The following NWD1 variants were observed in gnomAD, a reference collection of about 807,000 sequenced individuals.
NWD1 encodes NACHT domain- and WD repeat-containing protein 1.
NWD1 carries 129 observed loss-of-function variants against 135.1 expected under a neutral mutation model. That is an observed-to-expected ratio of 0.96 (90% CI 0.83 to 1.11). The LOEUF is 1.11. Among genes scored for constraint, NWD1 ranks in the 50% least tolerant of loss-of-function variants. The pLI is 0.00. For synonymous variants in NWD1, 773 were observed against 786.0 expected (o/e 0.98, Z 0.28); for missense variants, 1,740 against 1,851.3 (o/e 0.94, Z 1.10).
chr19:16,759,141 T>C (rs1968910256), intron 6 of NWD1, 84 bp from the exon 7 acceptor site: 12 of 1,165,478 alleles, frequency 1.0e-5, no homozygotes, highest in Non-Finnish European at 1.5e-5. Flanking sequence ...CGGGTGGCTG[T>C]ATCCCTCCCT....
At chr19:16,770,386 C>T (rs1969373174) in intron 10 of NWD1, among the ~76,000 whole-genome samples, 1 of 152,170 alleles carries the variant, frequency 6.6e-6, no homozygotes, top group Non-Finnish European at 1.5e-5. Context: ...TTTGCTTCCC[C>T]TTCCACCGTG....
intron 12 of NWD1, among the ~76,000 whole-genome samples, chr19:16,783,181 G>A (rs1176989026): frequency 1.3e-5 from 2 of 151,800 alleles, no homozygotes; most frequent in African/African-American, 2.4e-5. Flanking sequence ...ACAGGTGCAT[G>A]CCACCATGCC....
intron 13 of NWD1, among the ~76,000 whole-genome samples, chr19:16,789,593 T>C (rs1412315349): frequency 6.6e-6 from 1 of 152,130 alleles, no homozygotes; most frequent in Non-Finnish European, 1.5e-5. Flanking sequence ...TTTCCAGATA[T>C]TTGAGGAATT....
In NWD1 at chr19:16,797,779, C is replaced by T. The variant is rs568405169; in HGVS notation, c.3352C>T (p.Arg1118Cys). Residue 1118 changes from arginine to cysteine, a missense_variant, in exon 16 of 19, where the codon CGC (arginine) becomes TGC (cysteine). Physicochemically the swap from Arg to Cys is radical, Grantham distance 180 (BLOSUM62 -3). Coordinates refer to ENST00000524140, the MANE Select transcript of NWD1 (RefSeq NM_001007525.5). ...ATTCTTGGCGGACTCGAGGGGCTTT[C>T]GCCGATTCATGGCCATGGATCTGGA... The part of the protein sequence containing the change: ...RIFLADSRGF[R>C]RFMAMDLEHE... 9.3e-6 allele frequency: 15 copies of T among 1,614,066 alleles called. No individual in the cohort carries two copies. The East Asian group carries it at 1.6e-4, about 17-fold the overall frequency.
chr19:16,804,907 C>CT (rs1233041086), intron 17 of NWD1, among the ~76,000 whole-genome samples: 1 of 151,948 alleles, frequency 6.6e-6, no homozygotes, highest in Non-Finnish European at 1.5e-5. Flanking sequence ...TCAGTGCAGC[C>CT]TCGAACTCCT....
intron 4 of NWD1, among the ~76,000 whole-genome samples, chr19:16,743,565 G>C (rs753545227): frequency 1.1e-4 from 16 of 151,856 alleles, no homozygotes; most frequent in Non-Finnish European, 2.2e-4. Context: ...CTATAAGGGC[G>C]GTCAACTTCA....
At chr19:16,746,329 C>T (rs1244644561) in intron 5 of NWD1, among the ~76,000 whole-genome samples, 1 of 151,600 alleles carries the variant, frequency 6.6e-6, no homozygotes, top group Admixed American at 6.6e-5. Flanking sequence ...CACTGTACTT[C>T]AGTCTGGGTG....
At chr19:16,771,358 G>C (rs574243005) in intron 10 of NWD1, among the ~76,000 whole-genome samples, 1 of 152,254 alleles carries the variant, frequency 6.6e-6, no homozygotes, top group African/African-American at 2.4e-5. Context: ...GCTGAGGCAC[G>C]AAAATTGCTT....
intron 15 of NWD1, among the ~76,000 whole-genome samples, chr19:16,796,464 G>C (rs538882587): frequency 2.0e-5 from 3 of 152,114 alleles, no homozygotes; most frequent in South Asian, 4.2e-4. Flanking sequence ...ATCAGGAAAG[G>C]GTGGGCAAAC....
chr19:16,797,932 A>G lies in NWD1; in HGVS notation c.3459+46A>G, dbSNP rs1291761728. On this transcript the variant is annotated intron_variant, in intron 16 of 18. Transcript: ENST00000524140. ...CTTCATCCTCACCTCCACCTCGGGA[A>G]CAGACACTGATTCTTTAGGGATTTT... 5 of 1,551,326 alleles carry G rather than the reference A, an allele frequency of 3.2e-6. No individual in the cohort carries two copies. In the African/African-American group the frequency reaches 5.5e-5, roughly 17 times the overall value.
Position 16,749,533 on chromosome 19 carries a change from G to T in NWD1, c.891G>T (p.Glu297Asp), listed in dbSNP as rs1968470916. 6.2e-7 allele frequency: 1 copy of T among 1,612,534 alleles called. No homozygotes were observed. Among genetic ancestry groups the T allele is most frequent in the Non-Finnish European group, 8.5e-7 (1 of 1,178,684 alleles). ...AGQELAWLYQEIRHHLWQSSE... is the reference protein window; with the variant it reads ...AGQELAWLYQDIRHHLWQSSE... ...AGGAGTTGGCGTGGCTCTACCAAGA[G>T]ATCCGCCACCACCTTTGGCAGAGCT... Residue 297 changes from glutamate to aspartate, a missense_variant, in exon 6 of 19, where the codon GAG (glutamate) becomes GAT (aspartate). Coordinates refer to ENST00000524140, the MANE Select transcript of NWD1 (RefSeq NM_001007525.5).
chr19:16,730,353 A>C lies in NWD1; in HGVS notation c.-6-839A>C, dbSNP rs186341546. Among the ~76,000 whole-genome samples the C allele has an allele frequency of 1.2e-3, 185 of 151,776 alleles. 1 individual carries two copies. The highest frequency in any genetic ancestry group is 3.6e-3 in the African/African-American group (151 of 41,408). On this transcript the variant is annotated intron_variant, in intron 2 of 18. Coordinates refer to ENST00000524140, the MANE Select transcript of NWD1 (RefSeq NM_001007525.5). ...AAACTAACAAAAAAACAAAAAAAAAACCCAAAATCTATTTATGTATTTATT... is the reference window on the plus strand; with the variant it reads ...AAACTAACAAAAAAACAAAAAAAAACCCCAAAATCTATTTATGTATTTATT...
intron 11 of NWD1, among the ~76,000 whole-genome samples, chr19:16,774,511 C>T (rs76406113): frequency 0.02 from 3,070 of 151,786 alleles, 96 homozygotes; most frequent in African/African-American, 0.067. Context: ...ATCTACCCTA[C>T]CACTGTTTCA....
Position 16,794,512 on chromosome 19 carries a change from G to A in NWD1, c.3263G>A (p.Arg1088Lys). ...RLLEKLPDAV[R>K]FLVVSEDESL... ...CTGGAGAAGCTTCCAGATGCTGTGA[G>A]GTTCCTGGTGGTCTCTGAAGATGAG... is the stretch of plus-strand genomic sequence containing the variant. The change falls in exon 15 of 19, where the codon AGG (arginine) becomes AAG (lysine). Residue 1088 changes from arginine to lysine, a missense_variant. Physicochemically the swap from Arg to Lys is conservative, Grantham distance 26 (BLOSUM62 2). Transcript: ENST00000524140. 6.2e-7 allele frequency: 1 copy of A among 1,611,744 alleles called. No homozygotes were observed. The highest frequency in any genetic ancestry group is 8.5e-7 in the Non-Finnish European group (1 of 1,178,794).
intron 12 of NWD1, 97 bp from the exon 13 acceptor site, chr19:16,788,885 G>T: frequency 1.2e-6 from 1 of 804,330 alleles, no homozygotes; most frequent in Non-Finnish European, 2.1e-6. Flanking sequence ...CTTTTCTTTG[G>T]TAAATGAGGG....
chr19:16,814,150 A>G (rs1221962097), intron 18 of NWD1, among the ~76,000 whole-genome samples: 1 of 152,008 alleles, frequency 6.6e-6, no homozygotes, highest in African/African-American at 2.4e-5. Context: ...ACAGAGTGAG[A>G]CCCTGTCAAA....
rs538343327 is a variant in NWD1 at position 16,776,529 on chromosome 19, C to G, written c.2609-2814C>G. Among the ~76,000 whole-genome samples, 5 of 150,860 alleles carry G rather than the reference C, an allele frequency of 3.3e-5. No homozygotes were observed. The East Asian group carries it at 7.8e-4, about 23-fold the overall frequency. ...GTTGCAGTGAGCGGAGATCGTTCCA[C>G]TGCACTCCAGCCTGGGCGAAAGAGT... On this transcript the variant is annotated intron_variant, in intron 11 of 18. Coordinates refer to ENST00000524140, the MANE Select transcript of NWD1 (RefSeq NM_001007525.5).
intron 17 of NWD1, among the ~76,000 whole-genome samples, chr19:16,801,227 C>T (rs1599555238): frequency 1.3e-5 from 2 of 151,814 alleles, no homozygotes; most frequent in Admixed American, 6.6e-5. Context: ...TGCAGTGAGC[C>T]GAGATCACGC....
rs935687439 is a variant in NWD1 at position 16,752,072 on chromosome 19, C to T, written c.1769+1661C>T. Among the ~76,000 whole-genome samples, 9 of 152,246 alleles carry T rather than the reference C, an allele frequency of 5.9e-5. No homozygotes were observed. In the South Asian group the frequency reaches 1.7e-3, roughly 28 times the overall value. The stretch of plus-strand genomic sequence containing the variant: ...CAGAAGCACCCAAGCAGCCACACTC[C>T]CTCCTCTGAGTTTGTCCTCTGCCAA... On this transcript the variant is annotated intron_variant, in intron 6 of 18. Transcript: ENST00000524140.
Sources: allele counts gnomAD v4.1 joint callset (sites outside exome capture counted in the v4.1 genomes callset), GRCh38; gene constraint gnomAD v4.1.1; transcripts MANE v1.5; gene names NCBI Gene and HGNC (gene_info 2026-07-23, HGNC 2026-07-21).